Variants in RIMS2 observed in about 807,000 individuals in gnomAD.
The protein encoded by RIMS2 is regulating synaptic membrane exocytosis 2, also known as regulating synaptic membrane exocytosis protein 2.
A neutral mutation model predicts 174.4 loss-of-function variants in RIMS2; 59 were observed. The observed-to-expected ratio is 0.34, with a 90% confidence interval of 0.27 to 0.42. The LOEUF is 0.42. RIMS2 is among the 10% of genes least tolerant of loss of function. The pLI is 1.00. For synonymous variants in RIMS2, 606 were observed against 572.5 expected, an observed-to-expected ratio of 1.06 and a Z score of -0.84; for missense variants, 1,620 against 1,666.3, an observed-to-expected ratio of 0.97 and a Z score of 0.48.
At chr8:104,119,682 T>G (rs1376111684) in intron 19 of RIMS2, among the ~76,000 whole-genome samples, 1 of 152,212 alleles carries the variant, frequency 6.6e-6, no homozygotes, top group Non-Finnish European at 1.5e-5. Context: ...CTGTCTTCTT[T>G]AGTAGTGTAT....
intron 9 of RIMS2, among the ~76,000 whole-genome samples, chr8:103,919,487 C>T (rs116246607): frequency 1.4e-3 from 216 of 151,290 alleles, no homozygotes; most frequent in African/African-American, 5.1e-3. Context: ...TGAGTAGATA[C>T]TTAGTGTTAA....
intron 4 of RIMS2, among the ~76,000 whole-genome samples, chr8:103,900,068 C>T (rs1316469974): frequency 6.6e-6 from 1 of 151,530 alleles, no homozygotes; most frequent in Non-Finnish European, 1.5e-5. Flanking sequence ...TGTTCTGTTC[C>T]ATTGGTCTAT....
intron 1 of RIMS2, among the ~76,000 whole-genome samples, chr8:103,622,412 A>G (rs1216130646): frequency 6.6e-6 from 1 of 152,142 alleles, no homozygotes; most frequent in Non-Finnish European, 1.5e-5. Context: ...AACACAAAAC[A>G]CATAAAAATG....
chr8:104,002,065 A>G (rs970927509), intron 17 of RIMS2, among the ~76,000 whole-genome samples: 1 of 152,026 alleles, frequency 6.6e-6, no homozygotes, highest in Non-Finnish European at 1.5e-5. Context: ...TTTACCTCCA[A>G]TTCTACTTTG....
rs138542008 is a variant in RIMS2, at chr8:103,599,265, G to A, written c.177-97821G>A. On this transcript the variant is annotated intron_variant, in intron 1 of 23. Transcript: ENST00000504942. ...GAAATAGATACTGTTTTTATTCTCC[G>A]TTTTTACAAGTGGGGAAATTCAGGC... Among the ~76,000 whole-genome samples the A allele has an allele frequency of 2.3e-3, 349 of 151,096 alleles. 4 individuals carry two copies. Among genetic ancestry groups the A allele is most frequent in the Non-Finnish European group, 3.6e-3 (242 of 67,796 alleles).
intron 1 of RIMS2, among the ~76,000 whole-genome samples, chr8:103,525,512 C>T (rs373342143): frequency 1.3e-5 from 2 of 152,086 alleles, no homozygotes; most frequent in South Asian, 4.1e-4. Context: ...GGCAGTCCGG[C>T]CTAGCTTGGG....
chr8:103,564,615 G>C (rs144133419), intron 1 of RIMS2, among the ~76,000 whole-genome samples: 261 of 152,306 alleles, frequency 1.7e-3, no homozygotes, highest in African/African-American at 5.8e-3. Context: ...TTGGAGTCCA[G>C]TGTTTGAGGG....
In RIMS2 at chr8:103,995,133, G is replaced by C. The variant is rs2094995951; in HGVS notation, c.3044+5712G>C. Reference sequence around the variant, plus strand: ...TCATAATCTTCTGTTTATGTTTCTAGAATGTTCTATAATTATATGAACCAC... The same window carrying C: ...TCATAATCTTCTGTTTATGTTTCTACAATGTTCTATAATTATATGAACCAC... On this transcript the variant is annotated intron_variant, in intron 17 of 23. Transcript: ENST00000504942. Among the ~76,000 whole-genome samples, 3 of 151,816 alleles carry C rather than the reference G, an allele frequency of 2.0e-5. No homozygotes were observed. In the South Asian group the frequency reaches 6.2e-4, roughly 31 times the overall value.
intron 1 of RIMS2, among the ~76,000 whole-genome samples, chr8:103,589,210 A>G (rs1366948958): frequency 6.6e-6 from 1 of 151,780 alleles, no homozygotes; most frequent in African/African-American, 2.4e-5. Context: ...ACCAGAATAT[A>G]TAAGGAGCTC....
chr8:104,126,105 C>T (rs912073861), intron 19 of RIMS2, among the ~76,000 whole-genome samples: 3 of 151,980 alleles, frequency 2.0e-5, no homozygotes, highest in African/African-American at 7.2e-5. Flanking sequence ...GCACCAGGGA[C>T]CAGTTTCATG....
intron 1 of RIMS2, among the ~76,000 whole-genome samples, chr8:103,610,454 G>C (rs1367461608): frequency 6.6e-6 from 1 of 152,130 alleles, no homozygotes. Flanking sequence ...TCAGTATGAC[G>C]TTGGCTGTGG....
intron 1 of RIMS2, among the ~76,000 whole-genome samples, chr8:103,520,094 TTTGTGACC>T (rs1250503731): frequency 6.6e-6 from 1 of 152,084 alleles, no homozygotes; most frequent in African/African-American, 2.4e-5. Context: ...AGTTACTAAT[TTTGTGACC>T]TTGAGCAAGT....
intron 1 of RIMS2, among the ~76,000 whole-genome samples, chr8:103,519,579 C>G (rs916481466): frequency 1.3e-5 from 2 of 152,050 alleles, no homozygotes; most frequent in African/African-American, 4.8e-5. Context: ...TATAGCCTTC[C>G]AGTTTGAAGT....
chr8:103,783,910 C>T (rs981948282), intron 3 of RIMS2, among the ~76,000 whole-genome samples: 5 of 152,060 alleles, frequency 3.3e-5, no homozygotes, highest in Middle Eastern at 3.2e-3. Flanking sequence ...CCTATTTCTC[C>T]ACATCCTCTC....
At chr8:103,803,229 A>T (rs1441386653) in intron 3 of RIMS2, among the ~76,000 whole-genome samples, 1 of 152,144 alleles carries the variant, frequency 6.6e-6, no homozygotes, top group Admixed American at 6.6e-5. Context: ...ATATGGAATA[A>T]CTGAATAACT....
intron 9 of RIMS2, chr8:103,920,890 T>C (rs901861641): frequency 6.0e-6 from 2 of 332,932 alleles, no homozygotes; most frequent in Admixed American, 4.2e-5. Flanking sequence ...TCCCAGCTAC[T>C]TGGGAGGCTG....
At chr8:104,181,921 T>C (rs1293442978) in intron 19 of RIMS2, among the ~76,000 whole-genome samples, 1 of 151,740 alleles carries the variant, frequency 6.6e-6, no homozygotes, top group East Asian at 1.9e-4. Flanking sequence ...AAGTTACTAC[T>C]ACTCAAGGCA....
At chr8:103,520,983 T>TG (rs1414620899) in intron 1 of RIMS2, among the ~76,000 whole-genome samples, 2 of 152,060 alleles carry the variant, frequency 1.3e-5, no homozygotes, top group Non-Finnish European at 2.9e-5. Flanking sequence ...GTTTCATCCA[T>TG]GTCCCTACAA....
intron 3 of RIMS2, among the ~76,000 whole-genome samples, chr8:103,884,933 T>C (rs2099190832): frequency 6.6e-6 from 1 of 151,816 alleles, no homozygotes; most frequent in Admixed American, 6.6e-5. Flanking sequence ...ATAGAGAAGA[T>C]GGAGGAAATA....
Sources: allele counts gnomAD v4.1 joint callset (sites outside exome capture counted in the v4.1 genomes callset), GRCh38; gene constraint gnomAD v4.1.1; transcripts MANE v1.5; gene names NCBI Gene and HGNC (gene_info 2026-07-23, HGNC 2026-07-21).